The following INSL6 variants were observed in gnomAD, a reference collection of about 807,000 sequenced individuals.
INSL6 encodes insulin like 6.
A neutral mutation model predicts 9.4 loss-of-function variants in INSL6; 16 were observed. The ratio of observed to expected loss-of-function variants is 1.70; its 90% confidence interval spans 1.15 to 2.59. The LOEUF (loss-of-function observed/expected upper bound fraction) is 2.59, where lower values mean the gene tolerates loss of function less well. Ranked by LOEUF, INSL6 falls within the 30% of genes most tolerant of loss-of-function variation. The pLI is 0.00. For missense variants in INSL6, 391 were observed against 257.3 expected (o/e 1.52, Z -3.56); for synonymous variants, 154 against 96.9 (o/e 1.59, Z -3.46).
intron 2 of INSL6, among the ~76,000 whole-genome samples, chr9:5,152,796 C>G (rs766885915): frequency 4.6e-5 from 7 of 152,194 alleles, no homozygotes; most frequent in Non-Finnish European, 1.0e-4. Context: ...CGGCAGCTAC[C>G]AGCAAGATCG....
At chr9:4,999,964 T>A in the INSL6 span, among the ~76,000 whole-genome samples, 3 of 152,224 alleles carry the variant, frequency 2.0e-5, no homozygotes, top group Non-Finnish European at 4.4e-5. Context: ...GCATTCTTCT[T>A]GTTTACCAGT....
chr9:5,022,751 C>T, the INSL6 span, among the ~76,000 whole-genome samples: 3 of 152,260 alleles, frequency 2.0e-5, no homozygotes, highest in South Asian at 6.2e-4. Context: ...AACCAGAGAA[C>T]TCTTTCTATA....
the INSL6 span, among the ~76,000 whole-genome samples, chr9:4,992,459 G>A: frequency 5.3e-5 from 8 of 152,044 alleles, no homozygotes; most frequent in African/African-American, 1.9e-4. Context: ...ATGTGAGATG[G>A]GAAATAGTGT....
chr9:5,023,330 CATG>C, the INSL6 span, among the ~76,000 whole-genome samples: 1 of 152,190 alleles, frequency 6.6e-6, no homozygotes, highest in African/African-American at 2.4e-5. Flanking sequence ...CTGTGAATGA[CATG>C]ATTACATTCT....
At chr9:5,000,102 G>A in the INSL6 span, among the ~76,000 whole-genome samples, 1 of 151,652 alleles carries the variant, frequency 6.6e-6, no homozygotes, top group Non-Finnish European at 1.5e-5. Flanking sequence ...ATATTAAATT[G>A]TAAGAGTTAC....
the INSL6 span, chr9:5,089,757 G>C: frequency 1.0e-5 from 16 of 1,592,804 alleles, no homozygotes; most frequent in African/African-American, 1.4e-5. Flanking sequence ...AAAAGCTTCA[G>C]CATAGTACTG....
chr9:5,164,156 T>A lies in INSL6; in HGVS notation c.399A>T (p.Ser133=). Residue 133 remains serine, a synonymous_variant, in exon 2 of 2, where the codon TCA becomes TCT. Transcript: ENST00000381641. ...GAATATATACATTGATATTATGTGA[T>A]GAAGAAAATTCTCTTGTCTTACCAA... The part of the protein sequence containing the change: ...SPLGKTREFS[S]SHNINVYIHE... 1.2e-6 allele frequency: 2 copies of A among 1,607,766 alleles called. No homozygotes were observed. Among genetic ancestry groups the A allele is most frequent in the Non-Finnish European group, 1.7e-6 (2 of 1,177,188 alleles).
the INSL6 span, among the ~76,000 whole-genome samples, chr9:5,105,368 G>T: frequency 6.6e-6 from 1 of 152,032 alleles, no homozygotes; most frequent in Non-Finnish European, 1.5e-5. Flanking sequence ...AGGACCTCTG[G>T]ACCTCTTCAA....
intron 3 of INSL6, among the ~76,000 whole-genome samples, chr9:5,133,218 G>C (rs989264531): frequency 1.3e-5 from 2 of 150,972 alleles, no homozygotes; most frequent in African/African-American, 2.5e-5. Context: ...TGGTGGGAAA[G>C]TTGGGGGAGG....
At chr9:5,134,250 C>A (rs897503408) in intron 2 of INSL6, among the ~76,000 whole-genome samples, 1 of 152,146 alleles carries the variant, frequency 6.6e-6, no homozygotes, top group Non-Finnish European at 1.5e-5. Flanking sequence ...AGAATGGAAC[C>A]AAGTTGGAAA....
the INSL6 span, among the ~76,000 whole-genome samples, chr9:5,056,002 G>A: frequency 1.3e-5 from 2 of 151,840 alleles, no homozygotes; most frequent in Non-Finnish European, 2.9e-5. Flanking sequence ...GTACATTACT[G>A]TACTTTTTTT....
the INSL6 span, chr9:5,044,580 A>AAGT: frequency 9.3e-7 from 1 of 1,071,238 alleles, no homozygotes; most frequent in Non-Finnish European, 1.4e-6. Flanking sequence ...GCTGTTTAAT[A>AAGT]AGTCACTTAA....
intron 1 of INSL6, among the ~76,000 whole-genome samples, chr9:5,180,000 G>A (rs1825410671): frequency 1.3e-5 from 2 of 152,134 alleles, no homozygotes; most frequent in Non-Finnish European, 2.9e-5. Flanking sequence ...CCTGAACTTA[G>A]AAGGTGAAGC....
chr9:5,164,399 G>A (rs2130905648), intron 1 of INSL6, 134 bp from the exon 2 acceptor site: 1 of 628,976 alleles, frequency 1.6e-6, no homozygotes, highest in East Asian at 2.8e-5. Flanking sequence ...TGGAAAGTAT[G>A]GTTATTCAAA....
At chr9:5,140,264 G>C (rs1342211535) in intron 2 of INSL6, among the ~76,000 whole-genome samples, 1 of 152,070 alleles carries the variant, frequency 6.6e-6, no homozygotes, top group African/African-American at 2.4e-5. Context: ...ACAGCTATCA[G>C]ATCAGAACTC....
intron 2 of INSL6, among the ~76,000 whole-genome samples, chr9:5,143,859 C>T (rs937911573): frequency 6.6e-6 from 1 of 151,892 alleles, no homozygotes; most frequent in Non-Finnish European, 1.5e-5. Context: ...AGGGTTTCAC[C>T]ATGTTGGCCA....
intron 1 of INSL6, among the ~76,000 whole-genome samples, chr9:5,165,872 A>G (rs1373367194): frequency 6.6e-6 from 1 of 152,200 alleles, no homozygotes; most frequent in African/African-American, 2.4e-5. Flanking sequence ...ATTTGCCAAT[A>G]GTCTCTACTG....
the INSL6 span, among the ~76,000 whole-genome samples, chr9:5,032,114 C>T: frequency 1.3e-5 from 2 of 152,256 alleles, no homozygotes; most frequent in Admixed American, 6.5e-5. Context: ...CCGCGCCTGG[C>T]TCAGAGGGTC....
the INSL6 span, among the ~76,000 whole-genome samples, chr9:5,118,352 G>C: frequency 3.9e-5 from 6 of 151,940 alleles, no homozygotes; most frequent in Non-Finnish European, 8.8e-5. Context: ...ATAATCTTAT[G>C]ATCACCTATT....
Sources: allele counts gnomAD v4.1 joint callset (sites outside exome capture counted in the v4.1 genomes callset), GRCh38; gene constraint gnomAD v4.1.1; transcripts MANE v1.5; gene names NCBI Gene and HGNC (gene_info 2026-07-23, HGNC 2026-07-21).